CXCR5: variants seen among roughly 807,000 people sequenced by gnomAD.
CXCR5 encodes C-X-C motif chemokine receptor 5.
Under a neutral mutation model 5.6 loss-of-function variants are expected in CXCR5, and 3 were observed. That is an observed-to-expected ratio of 0.54 (90% CI 0.24 to 1.39). The LOEUF (loss-of-function observed/expected upper bound fraction) is 1.39. Ranked by LOEUF, CXCR5 falls within the 40% of genes most tolerant of loss-of-function variation. The pLI is 0.16. For synonymous variants in CXCR5, 218 were observed against 219.9 expected (o/e 0.99, Z 0.08); for missense variants, 333 against 494.6 (o/e 0.67, Z 3.10).
In CXCR5 at chr11:118,894,792, G is replaced by C. The variant is rs1426344635; in HGVS notation, c.*129G>C. On this transcript the variant is annotated 3_prime_UTR_variant, in exon 2 of 2. Coordinates refer to ENST00000292174, the MANE Select transcript of CXCR5 (RefSeq NM_001716.5). This position sits in a 1 kb window ranked among gnomAD's most constrained non-coding sequence, Gnocchi z 6.1. The stretch of plus-strand genomic sequence containing the variant: ...AGTGTCCTAGGAGTATCCTCATTTG[G>C]GGTAGCTAGAGGAACCAACCCCCAT... The C allele has an allele frequency of 5.5e-6, 5 of 904,516 alleles. No homozygotes were observed. Among genetic ancestry groups the C allele is most frequent in the Non-Finnish European group, 7.7e-6 (5 of 651,528 alleles). 56.0% of individuals were successfully genotyped at this position (904,516 alleles called of 1,614,324 possible).
intron 1 of CXCR5, among the ~76,000 whole-genome samples, chr11:118,888,207 C>T (rs1939748295): frequency 6.6e-6 from 1 of 152,158 alleles, no homozygotes; most frequent in Non-Finnish European, 1.5e-5. Flanking sequence ...CTCAAACGTT[C>T]CTCTCCTTCC....
chr11:118,894,808 C>A lies in CXCR5; in HGVS notation c.*145C>A. On this transcript the variant is annotated 3_prime_UTR_variant, in exon 2 of 2. Coordinates refer to ENST00000292174, the MANE Select transcript of CXCR5 (RefSeq NM_001716.5). This position sits in a 1 kb window ranked among gnomAD's most constrained non-coding sequence, Gnocchi z 6.1. ...CCTCATTTGGGGTAGCTAGAGGAACCAACCCCCATTTCTAGAACATCCCTG... is the reference window on the plus strand; with the variant it reads ...CCTCATTTGGGGTAGCTAGAGGAACAAACCCCCATTTCTAGAACATCCCTG... 1.4e-6 allele frequency: 1 copy of A among 700,816 alleles called. No individual in the cohort carries two copies. 43.4% of individuals were successfully genotyped at this position (700,816 alleles called of 1,614,324 possible).
chr11:118,894,739 G>A lies in CXCR5; in HGVS notation c.*76G>A. 1 of 1,399,126 alleles carries A rather than the reference G, an allele frequency of 7.1e-7. No individual in the cohort carries two copies. Among genetic ancestry groups the A allele is most frequent in the Non-Finnish European group, 9.6e-7 (1 of 1,047,098 alleles). 86.7% of individuals were successfully genotyped at this position (1,399,126 alleles called of 1,614,324 possible). On this transcript the variant is annotated 3_prime_UTR_variant, in exon 2 of 2. Coordinates refer to ENST00000292174, the MANE Select transcript of CXCR5 (RefSeq NM_001716.5). The surrounding 1 kb of genome is among the most constrained non-coding windows in gnomAD (Gnocchi z 6.1). Reference sequence around the variant, plus strand: ...CTGGATGCTCCTTCCAACAGGAGCTGGGATCCTAAGGGCTCACCGTGGCTA... The same window carrying A: ...CTGGATGCTCCTTCCAACAGGAGCTAGGATCCTAAGGGCTCACCGTGGCTA...
intron 1 of CXCR5, chr11:118,886,471 G>A (rs1366782663): frequency 2.4e-6 from 1 of 411,056 alleles, no homozygotes; most frequent in Non-Finnish European, 4.7e-6. Context: ...CTTCTTTAAG[G>A]CAGGGGCTGG....
intron 1 of CXCR5, among the ~76,000 whole-genome samples, chr11:118,891,959 A>G (rs542810571): frequency 1.3e-5 from 2 of 152,140 alleles, no homozygotes; most frequent in African/African-American, 4.8e-5. Flanking sequence ...GTGATGGGGA[A>G]CCAGTAAAGG....
In CXCR5 at chr11:118,896,783, G is replaced by A. The variant is rs1939938650; in HGVS notation, c.*2120G>A. ...GACGGGTCCTGGTAGAAGACACCCTGTCTAGAATGGCCCTTGGTCCTGGAG... is the reference window on the plus strand; with the variant it reads ...GACGGGTCCTGGTAGAAGACACCCTATCTAGAATGGCCCTTGGTCCTGGAG... On this transcript the variant is annotated 3_prime_UTR_variant, in exon 2 of 2. Transcript: ENST00000292174. The A allele has an allele frequency of 6.5e-6, 1 of 152,774 alleles. No individual in the cohort carries two copies. The highest frequency in any genetic ancestry group is 1.5e-5 in the Non-Finnish European group (1 of 68,088). The allele number at this position is 152,774 out of a possible 1,614,324, so 9.5% of individuals were successfully genotyped here.
chr11:118,885,496 C>A (rs923759226), intron 1 of CXCR5, among the ~76,000 whole-genome samples: 24 of 152,292 alleles, frequency 1.6e-4, no homozygotes, highest in Middle Eastern at 3.4e-3. Flanking sequence ...TAAAAACCCG[C>A]GGCCCCAAAG....
chr11:118,884,898 G>C (rs904576293), intron 1 of CXCR5, among the ~76,000 whole-genome samples: 3 of 152,122 alleles, frequency 2.0e-5, no homozygotes, highest in Non-Finnish European at 4.4e-5. Context: ...GGTTGTAAGG[G>C]TTTCTTGGAA....
Position 118,894,869 on chromosome 11 carries a change from C to A in CXCR5, c.*206C>A. On this transcript the variant is annotated 3_prime_UTR_variant, in exon 2 of 2. Transcript: ENST00000292174. The surrounding 1 kb of genome is among the most constrained non-coding windows in gnomAD (Gnocchi z 6.1). ...TGCCGGCCCTGGGGCTAGGCTGGAG[C>A]CCAGGGAGCGGAAAGCAGCTCAAAG... 2.0e-6 allele frequency: 1 copy of A among 493,536 alleles called. No homozygotes were observed. The allele number at this position is 493,536 out of a possible 1,614,324, so 30.6% of individuals were successfully genotyped here. A position where few individuals can be genotyped will look rare whatever the true frequency, so the allele number is the denominator to read the frequency against.
Position 118,897,564 on chromosome 11 carries a change from TAGGTGGTCTGACCTCAGTTTAGG to T in CXCR5, c.*2904_*2926del. 8.5e-6 allele frequency: 3 copies of T among 352,668 alleles called. No individual in the cohort carries two copies. Among genetic ancestry groups the T allele is most frequent in the South Asian group, 6.4e-5 (3 of 47,000 alleles). 21.8% of individuals were successfully genotyped at this position (352,668 alleles called of 1,614,324 possible). A position where few individuals can be genotyped will look rare whatever the true frequency, so the allele number is the denominator to read the frequency against. On this transcript the variant is annotated 3_prime_UTR_variant, in exon 2 of 2. Coordinates refer to ENST00000292174, the MANE Select transcript of CXCR5 (RefSeq NM_001716.5). The stretch of plus-strand genomic sequence containing the variant: ...TGCTAGGGCTCACCAGGTGGAAGCC[TAGGTGGTCTGACCTCAGTTTAGG>T]AGTGGGTCATTTACGTCATCTTACC...
At chr11:118,887,242 C>T (rs570813660) in intron 1 of CXCR5, 48 of 985,374 alleles carry the variant, frequency 4.9e-5, no homozygotes, top group Admixed American at 1.8e-4. Context: ...AAACAGTGGC[C>T]GCATATGTGG....
In CXCR5 at chr11:118,895,515, G is replaced by A. The variant is rs777842675; in HGVS notation, c.*852G>A. On this transcript the variant is annotated 3_prime_UTR_variant, in exon 2 of 2. Coordinates refer to ENST00000292174, the MANE Select transcript of CXCR5 (RefSeq NM_001716.5). The surrounding 1 kb of genome is among the most constrained non-coding windows in gnomAD (Gnocchi z 4.2). The stretch of plus-strand genomic sequence containing the variant: ...AACCCGGCGGTCCCCTCCGCCAGGC[G>A]AGATGGGGTGGGGTGGAGAACTCCT... 2.4e-5 allele frequency: 4 copies of A among 167,100 alleles called. No homozygotes were observed. Among genetic ancestry groups the A allele is most frequent in the Admixed American group, 6.5e-5 (1 of 15,290 alleles). The allele number at this position is 167,100 out of a possible 1,614,324, so 10.4% of individuals were successfully genotyped here. A position where few individuals can be genotyped will look rare whatever the true frequency, so the allele number is the denominator to read the frequency against.
At chr11:118,887,467 G>C in intron 1 of CXCR5, 1 of 982,278 alleles carries the variant, frequency 1.0e-6, no homozygotes, top group Non-Finnish European at 1.2e-6. Context: ...CAGAGGCTTG[G>C]AGTAGCTTAA....
In CXCR5 at chr11:118,883,910, G is replaced by A. The variant is rs1939668829; in HGVS notation, c.-32G>A. On this transcript the variant is annotated 5_prime_UTR_variant, in exon 1 of 2. Coordinates refer to ENST00000292174, the MANE Select transcript of CXCR5 (RefSeq NM_001716.5). ...GGGGAGCCTCTCAACATAAGACAGT[G>A]ACCAGTCTGGTGACTCACAGCCGGC... 2 of 1,604,246 alleles carry A rather than the reference G, an allele frequency of 1.2e-6. No homozygotes were observed. Among genetic ancestry groups the A allele is most frequent in the East Asian group, 2.3e-5 (1 of 44,278 alleles).
intron 1 of CXCR5, among the ~76,000 whole-genome samples, chr11:118,890,564 G>A (rs962431339): frequency 7.2e-5 from 11 of 152,062 alleles, no homozygotes; most frequent in Non-Finnish European, 1.6e-4. Context: ...CCAAGCAGAG[G>A]TTTGGAGACA....
chr11:118,888,647 T>C (rs1939758365), intron 1 of CXCR5, among the ~76,000 whole-genome samples: 1 of 152,250 alleles, frequency 6.6e-6, no homozygotes, highest in African/African-American at 2.4e-5. Context: ...CCCAAGTCTT[T>C]CTGACGAACT....
chr11:118,891,153 T>A (rs1447491722), intron 1 of CXCR5, among the ~76,000 whole-genome samples: 1 of 151,536 alleles, frequency 6.6e-6, no homozygotes, highest in Non-Finnish European at 1.5e-5. Context: ...CTGCAATGAG[T>A]TCTAAACTTT....
chr11:118,888,652 C>T (rs746449067), intron 1 of CXCR5, among the ~76,000 whole-genome samples: 15 of 152,222 alleles, frequency 9.9e-5, no homozygotes, highest in African/African-American at 2.7e-4. Context: ...GTCTTTCTGA[C>T]GAACTGTTGT....
At position 118,897,079 on chromosome 11, in the gene CXCR5, G is replaced by GT. The variant is rs1939947676; in HGVS notation, c.*2417dup. Reference sequence around the variant, plus strand: ...CCTGGGCAGAGGGACAACCTTGCCGGTGAGTGGGCAGGCAGAGAGGAGGCG... The same window carrying GT: ...CCTGGGCAGAGGGACAACCTTGCCGGTTGAGTGGGCAGGCAGAGAGGAGGCG... On this transcript the variant is annotated 3_prime_UTR_variant, in exon 2 of 2. Transcript: ENST00000292174. 1 of 153,692 alleles carries GT rather than the reference G, an allele frequency of 6.5e-6. No homozygotes were observed. The highest frequency in any genetic ancestry group is 2.4e-5 in the African/African-American group (1 of 41,450). The allele number at this position is 153,692 out of a possible 1,614,324, so 9.5% of individuals were successfully genotyped here.
Sources: allele counts gnomAD v4.1 joint callset (sites outside exome capture counted in the v4.1 genomes callset), GRCh38; gene constraint gnomAD v4.1.1; non-coding constraint Gnocchi (gnomAD v3.1); transcripts MANE v1.5; gene names NCBI Gene and HGNC (gene_info 2026-07-23, HGNC 2026-07-21).